SLC36A1: variants seen among roughly 807,000 people sequenced by gnomAD.
SLC36A1 encodes the protein proton-coupled amino acid transporter 1.
Under a neutral mutation model 47.5 loss-of-function variants are expected in SLC36A1, and 30 were observed. That is an observed-to-expected ratio of 0.63 (90% CI 0.47 to 0.86). The LOEUF is 0.86. Among genes scored for constraint, SLC36A1 ranks in the 40% least tolerant of loss-of-function variants. The pLI, the probability that SLC36A1 is intolerant of heterozygous loss-of-function variation, is 0.00. For synonymous variants in SLC36A1, 255 were observed against 249.7 expected (o/e 1.02, Z -0.20); for missense variants, 517 against 606.0 (o/e 0.85, Z 1.54).
At chr5:151,535,932 C>T in the SLC36A1 span, among the ~76,000 whole-genome samples, 1 of 152,270 alleles carries the variant, frequency 6.6e-6, no homozygotes, top group Middle Eastern at 3.4e-3. Flanking sequence ...AGAGGAAAAA[C>T]CTGGTTTGAG....
the SLC36A1 span, among the ~76,000 whole-genome samples, chr5:151,407,467 C>CCAACCCAGAAGCCCAGCCGGCT: frequency 2.0e-5 from 3 of 150,808 alleles, no homozygotes; most frequent in African/African-American, 7.4e-5. Flanking sequence ...AAGTCCCCAC[C>CCAACCCAGAAGCCCAGCCGGCT]TGATTAGCTA....
At chr5:151,413,856 T>G in the SLC36A1 span, among the ~76,000 whole-genome samples, 1 of 152,064 alleles carries the variant, frequency 6.6e-6, no homozygotes, top group African/African-American at 2.4e-5. Flanking sequence ...ATATTATATT[T>G]ATTTATACAC....
At chr5:151,428,876 G>A in the SLC36A1 span, among the ~76,000 whole-genome samples, 9 of 152,166 alleles carry the variant, frequency 5.9e-5, no homozygotes, top group South Asian at 2.1e-4. Context: ...CAGGTGATCC[G>A]CCCACCTTGG....
At chr5:151,525,666 G>T in the SLC36A1 span, 1 of 1,333,588 alleles carries the variant, frequency 7.5e-7, no homozygotes, top group Non-Finnish European at 1.1e-6. Context: ...CATCCTAAGT[G>T]CTTTGTACAT....
rs1561738018 is a variant in SLC36A1 at position 151,458,330 on chromosome 5, A to ACATACACTTG, written c.-5-458_-5-457insCATACACTTG. The stretch of plus-strand genomic sequence containing the variant: ...TATATACGTATATATATATATATAT[A>ACATACACTTG]TATGGGATATTTATATATATATATA... On this transcript the variant is annotated intron_variant, in intron 1 of 10. Coordinates refer to ENST00000243389, the MANE Select transcript of SLC36A1 (RefSeq NM_078483.4). 5.9e-3 allele frequency among the ~76,000 whole-genome samples: 574 copies of ACATACACTTG among 96,670 alleles called. 17 individuals are homozygous for ACATACACTTG. The highest frequency in any genetic ancestry group is 0.019 in the African/African-American group (528 of 27,816). The allele number at this position is 96,670 out of a possible 152,430, so 63.4% of individuals were successfully genotyped here.
At chr5:151,510,053 G>C in the SLC36A1 span, 2 of 1,614,180 alleles carry the variant, frequency 1.2e-6, no homozygotes, top group Non-Finnish European at 1.7e-6. Flanking sequence ...GGCAGTTACA[G>C]GAAGCTCCTT....
chr5:151,370,109 C>T, the SLC36A1 span, among the ~76,000 whole-genome samples: 1 of 152,276 alleles, frequency 6.6e-6, no homozygotes, highest in East Asian at 1.9e-4. Flanking sequence ...CCTTATTTCT[C>T]ATTTTAAAAA....
the SLC36A1 span, chr5:151,380,515 C>T: frequency 2.0e-6 from 1 of 502,772 alleles, no homozygotes; most frequent in Non-Finnish European, 4.1e-6. Context: ...TGCGGCAGTT[C>T]GTGTGTTGGA....
chr5:151,358,846 T>C, the SLC36A1 span, among the ~76,000 whole-genome samples: 78,959 of 149,748 alleles, frequency 0.53, 23,420 homozygotes, highest in African/African-American at 0.83. Context: ...CGGTGGCGGG[T>C]GCCTGTAGTC....
the SLC36A1 span, among the ~76,000 whole-genome samples, chr5:151,374,436 G>GTA: frequency 1.2e-4 from 19 of 152,214 alleles, no homozygotes; most frequent in Admixed American, 2.6e-4. Flanking sequence ...GTATGTGTGT[G>GTA]TGTATATATA....
At chr5:151,368,820 C>A in the SLC36A1 span, among the ~76,000 whole-genome samples, 2 of 152,228 alleles carry the variant, frequency 1.3e-5, no homozygotes, top group Non-Finnish European at 2.9e-5. Flanking sequence ...TCTCAAGGAC[C>A]TCTTCAGGAA....
chr5:151,529,055 T>A, the SLC36A1 span: 1 of 777,514 alleles, frequency 1.3e-6, no homozygotes, highest in Non-Finnish European at 2.1e-6. Context: ...CAAGTCAGAG[T>A]CAAGTCTACA....
downstream of SLC36A1, among the ~76,000 whole-genome samples, chr5:151,495,994 A>G (rs1392376164): frequency 1.3e-5 from 2 of 152,186 alleles, no homozygotes; most frequent in Admixed American, 6.5e-5. Context: ...TTCCTGCATG[A>G]AAATCAGTTT....
intron 9 of SLC36A1, among the ~76,000 whole-genome samples, chr5:151,478,863 G>T (rs1758431959): frequency 6.6e-6 from 1 of 151,970 alleles, no homozygotes; most frequent in Non-Finnish European, 1.5e-5. Context: ...GCACTCTGTA[G>T]GTACTGTATT....
At position 151,478,720 on chromosome 5, in the gene SLC36A1, C is replaced by T. The variant is rs559507707; in HGVS notation, c.990-600C>T. Among the ~76,000 whole-genome samples, 9 of 152,310 alleles carry T rather than the reference C, an allele frequency of 5.9e-5. No homozygotes were observed. The East Asian group carries it at 9.6e-4, about 16-fold the overall frequency. ...TCTAGTTCCCAATTTTACAATTTCC[C>T]ATTTCAGAGGCAACCATATTCCCAG... On this transcript the variant is annotated intron_variant, in intron 9 of 10. Coordinates refer to ENST00000243389, the MANE Select transcript of SLC36A1 (RefSeq NM_078483.4).
At chr5:151,507,571 G>T in the SLC36A1 span, 3 of 1,613,624 alleles carry the variant, frequency 1.9e-6, no homozygotes, top group Non-Finnish European at 2.5e-6. Flanking sequence ...GGAGTGACTA[G>T]GCAGTGTCCT....
rs764590865 is a variant in SLC36A1, at chr5:151,464,737, C to T, written c.323+135C>T. 132 of 756,434 alleles carry T rather than the reference C, an allele frequency of 1.7e-4. 1 individual carries two copies. In the Middle Eastern group the frequency reaches 2.9e-3, roughly 16 times the overall value. The allele number at this position is 756,434 out of a possible 1,614,324, so 46.9% of individuals were successfully genotyped here. On this transcript the variant is annotated intron_variant, in intron 4 of 10. Coordinates refer to ENST00000243389, the MANE Select transcript of SLC36A1 (RefSeq NM_078483.4). Reference sequence around the variant, plus strand: ...TGGAGGTAGCAGCTTATGATTGCAGCGTTTTCCTTTCCCTGGTTATTTTTG... The same window carrying T: ...TGGAGGTAGCAGCTTATGATTGCAGTGTTTTCCTTTCCCTGGTTATTTTTG...
chr5:151,409,090 C>T, the SLC36A1 span, among the ~76,000 whole-genome samples: 1 of 151,620 alleles, frequency 6.6e-6, no homozygotes, highest in Admixed American at 6.6e-5. Context: ...TGTCAACCTC[C>T]CAGGCTCAGG....
the SLC36A1 span, among the ~76,000 whole-genome samples, chr5:151,521,052 T>C: frequency 6.6e-6 from 1 of 152,226 alleles, no homozygotes; most frequent in Admixed American, 6.5e-5. Context: ...CATATTGTAG[T>C]CTTACTGTTA....
Sources: gnomAD v4.1 joint callset for allele counts (sites outside exome capture counted in the v4.1 genomes callset) on GRCh38, gnomAD v4.1.1 for gene constraint, MANE v1.5 for transcripts, NCBI Gene and HGNC (gene_info 2026-07-23, HGNC 2026-07-21) for gene names.